The following TUSC3 variants were observed in gnomAD, a reference collection of about 807,000 sequenced individuals.
TUSC3 encodes the protein tumor suppressor candidate 3, also known as dolichyl-diphosphooligosaccharide--protein glycosyltransferase subunit TUSC3.
In TUSC3, 45 loss-of-function variants were observed where a neutral mutation model predicts 44.8. The ratio of observed to expected loss-of-function variants is 1.00; its 90% CI spans 0.79 to 1.29. The LOEUF (loss-of-function observed/expected upper bound fraction) is 1.29. TUSC3 is among the 50% of genes most tolerant of loss of function. TUSC3 has a pLI of 0.00. For missense variants in TUSC3, 519 were observed against 437.9 expected, an observed-to-expected ratio of 1.19 and a Z score of -1.65; for synonymous variants, 212 against 152.9, an observed-to-expected ratio of 1.39 and a Z score of -2.85.
intron 5 of TUSC3, among the ~76,000 whole-genome samples, chr8:15,671,887 C>G (rs1807960140): frequency 6.6e-6 from 1 of 151,860 alleles, no homozygotes; most frequent in Non-Finnish European, 1.5e-5. Context: ...GGATTTCTAG[C>G]TGAGGATGGC....
chr8:15,491,047 A>G (rs1187496798), intron 2 of TUSC3, among the ~76,000 whole-genome samples: 1 of 152,224 alleles, frequency 6.6e-6, no homozygotes, highest in African/African-American at 2.4e-5. Flanking sequence ...CGTTCACTGA[A>G]CACACATTTT....
At chr8:15,448,644 GC>G (rs1463235651) in intron 1 of TUSC3, among the ~76,000 whole-genome samples, 4 of 152,134 alleles carry the variant, frequency 2.6e-5, no homozygotes, top group Non-Finnish European at 4.4e-5. Context: ...CAATAATATT[GC>G]AGGATTGGCT....
At chr8:15,467,832 T>C (rs1420187301) in intron 1 of TUSC3, among the ~76,000 whole-genome samples, 1 of 152,176 alleles carries the variant, frequency 6.6e-6, no homozygotes, top group Non-Finnish European at 1.5e-5. Flanking sequence ...TACGTATGCT[T>C]CTAACCTAAA....
chr8:15,621,684 T>C (rs1292948463), intron 1 of TUSC3, among the ~76,000 whole-genome samples: 1 of 149,540 alleles, frequency 6.7e-6, no homozygotes, highest in East Asian at 1.9e-4. Context: ...TATAAATCTA[T>C]ATATGTAAAT....
At chr8:15,663,227 C>G (rs1171442471) in intron 5 of TUSC3, among the ~76,000 whole-genome samples, 2 of 151,570 alleles carry the variant, frequency 1.3e-5, no homozygotes, top group East Asian at 1.9e-4. Flanking sequence ...GAAATTGAGA[C>G]TAGATACATA....
chr8:15,431,683 G>T (rs947706369), intron 1 of TUSC3, among the ~76,000 whole-genome samples: 1 of 151,400 alleles, frequency 6.6e-6, no homozygotes, highest in South Asian at 2.1e-4. Flanking sequence ...AATTTCTCTG[G>T]CAAGGACTTC....
At chr8:15,784,314 T>G in the TUSC3 span, among the ~76,000 whole-genome samples, 5 of 152,238 alleles carry the variant, frequency 3.3e-5, no homozygotes, top group Non-Finnish European at 7.4e-5. Context: ...AAAAATAGAT[T>G]ATCCAGCACT....
chr8:15,585,613 G>T (rs1221857726), intron 1 of TUSC3, among the ~76,000 whole-genome samples: 2 of 152,152 alleles, frequency 1.3e-5, no homozygotes, highest in Non-Finnish European at 2.9e-5. Flanking sequence ...TAATGTGCCT[G>T]TGGGCCCTTA....
At chr8:15,463,634 C>T (rs78131386) in intron 1 of TUSC3, among the ~76,000 whole-genome samples, 1 of 151,934 alleles carries the variant, frequency 6.6e-6, no homozygotes. Flanking sequence ...GATCATGAAG[C>T]CTTTTGATTA....
chr8:15,517,039 A>G (rs1801225843), intron 2 of TUSC3, among the ~76,000 whole-genome samples: 1 of 152,184 alleles, frequency 6.6e-6, no homozygotes, highest in African/African-American at 2.4e-5. Flanking sequence ...ACCAGGGCTT[A>G]GATCCTTTTG....
the TUSC3 span, among the ~76,000 whole-genome samples, chr8:15,789,338 A>T: frequency 1.1e-4 from 16 of 152,192 alleles, no homozygotes; most frequent in African/African-American, 3.1e-4. Context: ...CAGTCTTTAC[A>T]GAATGAAATC....
At chr8:15,727,518 A>G (rs1242371701) in intron 6 of TUSC3, among the ~76,000 whole-genome samples, 1 of 152,140 alleles carries the variant, frequency 6.6e-6, no homozygotes, top group Non-Finnish European at 1.5e-5. Context: ...TTTGCAAACA[A>G]ATTCAAGCTA....
At chr8:15,807,123 G>T in the TUSC3 span, 3 of 1,101,050 alleles carry the variant, frequency 2.7e-6, no homozygotes, top group South Asian at 2.6e-5. Context: ...AGCAAAGAAT[G>T]ACCACCTTTC....
At chr8:15,634,392 TGCCACTAGCAG>T (rs1273678864) in intron 2 of TUSC3, among the ~76,000 whole-genome samples, 2 of 152,180 alleles carry the variant, frequency 1.3e-5, no homozygotes, top group Non-Finnish European at 2.9e-5. Flanking sequence ...TTATTGACTA[TGCCACTAGCAG>T]GCCATCCCTT....
chr8:15,441,730 A>G (rs1800022324), intron 1 of TUSC3, among the ~76,000 whole-genome samples: 1 of 151,840 alleles, frequency 6.6e-6, no homozygotes, highest in African/African-American at 2.4e-5. Flanking sequence ...ATTACAGAGA[A>G]CAGGGGGTAT....
At chr8:15,588,446 A>G (rs1053259371) in intron 1 of TUSC3, among the ~76,000 whole-genome samples, 2 of 152,096 alleles carry the variant, frequency 1.3e-5, no homozygotes, top group Non-Finnish European at 2.9e-5. Context: ...GTTCTTGTAT[A>G]TTCTGGATAT....
intron 2 of TUSC3, among the ~76,000 whole-genome samples, chr8:15,510,778 A>AC (rs1801122700): frequency 6.6e-6 from 1 of 152,024 alleles, no homozygotes; most frequent in Non-Finnish European, 1.5e-5. Context: ...CTATTTAAAA[A>AC]AAAACAGAAA....
intron 8 of TUSC3, among the ~76,000 whole-genome samples, 164 bp from the exon 9 acceptor site, chr8:15,748,207 TAATG>T (rs559777750): frequency 6.6e-6 from 1 of 152,040 alleles, no homozygotes; most frequent in Non-Finnish European, 1.5e-5. Context: ...ATGTGGAAAA[TAATG>T]AACACATTGG....
chr8:15,516,574 G>A (rs190231185), intron 2 of TUSC3, among the ~76,000 whole-genome samples: 2 of 152,176 alleles, frequency 1.3e-5, no homozygotes, highest in Admixed American at 1.3e-4. Context: ...TTATAAATTG[G>A]AACTGAAAGC....
Sources: gnomAD v4.1 joint callset for allele counts (sites outside exome capture counted in the v4.1 genomes callset) on GRCh38, gnomAD v4.1.1 for gene constraint, MANE v1.5 for transcripts, NCBI Gene and HGNC (gene_info 2026-07-23, HGNC 2026-07-21) for gene names.